DOCK3: variants seen among roughly 807,000 people sequenced by gnomAD.
DOCK3 encodes dedicator of cytokinesis protein 3.
DOCK3 carries 60 observed loss-of-function variants against 265.6 expected under a neutral mutation model. That is an observed-to-expected ratio of 0.23 (90% CI 0.18 to 0.28). The LOEUF is 0.28. Ranked by LOEUF, DOCK3 falls within the 10% of genes least tolerant of loss-of-function variation. DOCK3 has a pLI of 1.00. For missense variants in DOCK3, 1,981 were observed against 2,594.3 expected (o/e 0.76, Z 5.14); for synonymous variants, 881 against 938.0 (o/e 0.94, Z 1.11).
intron 2 of DOCK3, among the ~76,000 whole-genome samples, chr3:50,809,162 G>T (rs898395177): frequency 6.6e-6 from 1 of 152,136 alleles, no homozygotes; most frequent in Non-Finnish European, 1.5e-5. Context: ...GAGGGAAAAA[G>T]AAGTCACGAT....
chr3:50,909,750 T>A (rs2049765848), intron 4 of DOCK3, among the ~76,000 whole-genome samples: 1 of 150,720 alleles, frequency 6.6e-6, no homozygotes, highest in East Asian at 2.0e-4. Flanking sequence ...ATTTCTTGAA[T>A]TTGAATGTTG....
At chr3:51,014,141 C>A (rs1428364776) in intron 5 of DOCK3, among the ~76,000 whole-genome samples, 1 of 152,124 alleles carries the variant, frequency 6.6e-6, no homozygotes, top group Non-Finnish European at 1.5e-5. Context: ...AGTGCCCCAC[C>A]CTGCTTCAGC....
chr3:51,018,864 T>A (rs1337367775), intron 5 of DOCK3, among the ~76,000 whole-genome samples: 1 of 151,912 alleles, frequency 6.6e-6, no homozygotes, highest in Non-Finnish European at 1.5e-5. Context: ...TTACCAGTGT[T>A]TTTATTGATT....
At chr3:51,334,041 C>T (rs1576839613) in intron 35 of DOCK3, among the ~76,000 whole-genome samples, 3 of 152,004 alleles carry the variant, frequency 2.0e-5, no homozygotes, top group East Asian at 3.9e-4. Context: ...AGACAAGTTC[C>T]CACTGTGTTG....
chr3:51,039,704 T>A (rs2080403750), intron 5 of DOCK3, among the ~76,000 whole-genome samples: 1 of 152,084 alleles, frequency 6.6e-6, no homozygotes, highest in Non-Finnish European at 1.5e-5. Context: ...TTATAATTTT[T>A]TAGATCTCTC....
intron 27 of DOCK3, among the ~76,000 whole-genome samples, chr3:51,309,036 CAG>C (rs1263825467): frequency 3.3e-5 from 5 of 151,810 alleles, no homozygotes; most frequent in Admixed American, 1.3e-4. Flanking sequence ...GGTGGCCGGG[CAG>C]AGACGCTTCT....
At chr3:50,950,126 G>A (rs965440650) in intron 5 of DOCK3, among the ~76,000 whole-genome samples, 5 of 151,162 alleles carry the variant, frequency 3.3e-5, no homozygotes, top group Non-Finnish European at 5.9e-5. Flanking sequence ...AAGTTTGTGT[G>A]GTTCATTTTG....
chr3:51,208,338 G>T (rs1266258909), intron 12 of DOCK3, among the ~76,000 whole-genome samples: 7 of 152,116 alleles, frequency 4.6e-5, no homozygotes, highest in Non-Finnish European at 1.5e-5. Flanking sequence ...TTTCCATTGG[G>T]GCCAGTCATA....
At chr3:51,046,350 CT>C (rs2080776859) in intron 5 of DOCK3, among the ~76,000 whole-genome samples, 1 of 151,992 alleles carries the variant, frequency 6.6e-6, no homozygotes, top group Non-Finnish European at 1.5e-5. Context: ...AAGAGAGTCA[CT>C]TTAGCTTTAG....
intron 14 of DOCK3, 25 bp downstream of exon 14, chr3:51,214,272 G>T (rs1216718508): frequency 6.2e-7 from 1 of 1,612,094 alleles, no homozygotes; most frequent in Non-Finnish European, 8.5e-7. Flanking sequence ...TTGGGGCTGG[G>T]AAGGAAGATG....
At chr3:50,739,341 A>C (rs185859215) in intron 1 of DOCK3, among the ~76,000 whole-genome samples, 1 of 152,030 alleles carries the variant, frequency 6.6e-6, no homozygotes. Context: ...AGACCAACCA[A>C]ATCATTTAGT....
At position 51,375,772 on chromosome 3, in the gene DOCK3, T is replaced by A. The variant is rs2088069761; in HGVS notation, c.5437T>A (p.Phe1813Ile). The A allele has an allele frequency of 1.2e-6, 2 of 1,613,892 alleles. No homozygotes were observed. Among genetic ancestry groups the A allele is most frequent in the South Asian group, 2.2e-5 (2 of 91,092 alleles). Residue 1813 changes from phenylalanine (F) to isoleucine (I), a missense_variant, in exon 51 of 53, where the codon TTC (phenylalanine) becomes ATC (isoleucine). Transcript: ENST00000266037. ...GCCGCCGAATTTCCAGCGAGCCCTGTTCCAGCAAGTGGTCGGAGCCTGCAA... is the reference window on the plus strand; with the variant it reads ...GCCGCCGAATTTCCAGCGAGCCCTGATCCAGCAAGTGGTCGGAGCCTGCAA... ...GQPPNFQRAL[F>I]QQVVGACKPC...
chr3:50,966,897 T>C (rs1575629454), intron 5 of DOCK3, among the ~76,000 whole-genome samples: 1 of 152,282 alleles, frequency 6.6e-6, no homozygotes, highest in East Asian at 1.9e-4. Context: ...ATGCCATTTT[T>C]TTTTCTGTAA....
At chr3:50,703,553 TTGG>T (rs143158486) in intron 1 of DOCK3, among the ~76,000 whole-genome samples, 1,726 of 152,202 alleles carry the variant, frequency 0.011, 30 homozygotes, top group African/African-American at 0.039. Context: ...TGGTTCAGTC[TTGG>T]TGGGTTTTAT....
At chr3:51,223,964 A>C (rs1487330947) in intron 14 of DOCK3, among the ~76,000 whole-genome samples, 4 of 152,228 alleles carry the variant, frequency 2.6e-5, no homozygotes, top group Non-Finnish European at 4.4e-5. Flanking sequence ...AGCAATGTCC[A>C]AAGGAAGCGG....
intron 19 of DOCK3, among the ~76,000 whole-genome samples, chr3:51,230,513 T>C (rs760456886): frequency 1.1e-4 from 16 of 151,958 alleles, no homozygotes; most frequent in Non-Finnish European, 2.2e-4. Context: ...TTTGTTGTTG[T>C]TGTTGTTTTG....
intron 5 of DOCK3, among the ~76,000 whole-genome samples, chr3:51,023,389 G>A (rs977544262): frequency 2.0e-5 from 3 of 151,942 alleles, no homozygotes; most frequent in Admixed American, 1.3e-4. Context: ...TCCATTTCCA[G>A]ATGTTCTGAT....
At position 51,012,906 on chromosome 3, in the gene DOCK3, A is replaced by G. The variant is rs531825398; in HGVS notation, c.316-51542A>G. ...CTTCATTTCATTCATTTGATCTTCA[A>G]TCACTGATACCCTTTCTTCTACTTG... is the stretch of plus-strand genomic sequence containing the variant. On this transcript the variant is annotated intron_variant, in intron 5 of 52. Transcript: ENST00000266037. 1.1e-4 allele frequency among the ~76,000 whole-genome samples: 16 copies of G among 152,118 alleles called. No individual in the cohort carries two copies. In the South Asian group the frequency reaches 2.7e-3, roughly 26 times the overall value.
intron 4 of DOCK3, among the ~76,000 whole-genome samples, chr3:50,929,216 C>T (rs2050928458): frequency 6.6e-6 from 1 of 152,146 alleles, no homozygotes; most frequent in Admixed American, 6.5e-5. Flanking sequence ...CTCTCTGTTT[C>T]TGCCTCTGAG....
Sources: gnomAD v4.1 joint callset for allele counts (sites outside exome capture counted in the v4.1 genomes callset) on GRCh38, gnomAD v4.1.1 for gene constraint, MANE v1.5 for transcripts, NCBI Gene and HGNC (gene_info 2026-07-23, HGNC 2026-07-21) for gene names.